The following CEP128 variants were observed in gnomAD, a reference collection of about 807,000 sequenced individuals.
CEP128 encodes the protein centrosomal protein 128kDa.
CEP128 carries 132 observed loss-of-function variants against 156.7 expected under a neutral mutation model. The ratio of observed to expected loss-of-function variants is 0.84; its 90% confidence interval spans 0.73 to 0.97. The LOEUF (loss-of-function observed/expected upper bound fraction) is 0.97, where lower values mean the gene tolerates loss of function less well. Among genes scored for constraint, CEP128 ranks in the 50% least tolerant of loss-of-function variants. CEP128 has a pLI of 0.00. For missense variants in CEP128, 1,252 were observed against 1,281.9 expected, an observed-to-expected ratio of 0.98 and a Z score of 0.36; for synonymous variants, 469 against 448.9, an observed-to-expected ratio of 1.04 and a Z score of -0.57.
intron 4 of CEP128, among the ~76,000 whole-genome samples, chr14:80,908,925 A>G (rs1205488136): frequency 6.6e-6 from 1 of 152,174 alleles, no homozygotes; most frequent in African/African-American, 2.4e-5. Flanking sequence ...CTCATTTCCA[A>G]TTCACCACTT....
chr14:80,845,787 T>C (rs1019943523), intron 9 of CEP128, among the ~76,000 whole-genome samples: 3 of 152,300 alleles, frequency 2.0e-5, no homozygotes, highest in Admixed American at 6.5e-5. Context: ...ACGGTTTTTG[T>C]TTGTACAATA....
intron 2 of CEP128, among the ~76,000 whole-genome samples, chr14:80,923,556 A>G (rs370718692): frequency 2.0e-5 from 3 of 152,196 alleles, no homozygotes; most frequent in African/African-American, 7.2e-5. Context: ...ATCAGGGGTG[A>G]TATTTCACAA....
intron 8 of CEP128, among the ~76,000 whole-genome samples, chr14:80,893,155 T>C (rs1595556974): frequency 6.6e-6 from 1 of 151,990 alleles, no homozygotes; most frequent in Non-Finnish European, 1.5e-5. Context: ...TAAAAAAGAA[T>C]GAGATCTTTT....
intron 19 of CEP128, among the ~76,000 whole-genome samples, chr14:80,656,292 TATATATATA>T (rs1895150176): frequency 4.7e-4 from 1 of 2,144 alleles, no homozygotes; most frequent in African/African-American, 1.4e-3. Context: ...TATATATATT[TATATATATA>T]TATATATATA....
At chr14:80,557,390 C>T (rs1207602252) in intron 21 of CEP128, among the ~76,000 whole-genome samples, 1 of 152,162 alleles carries the variant, frequency 6.6e-6, no homozygotes, top group Non-Finnish European at 1.5e-5. Context: ...ATTTTAATCA[C>T]AACCATTTTA....
rs1344457542 is a variant in CEP128 at position 80,729,058 on chromosome 14, G to GTGTGTGTGTGTGT, written c.2806+14016_2806+14017insACACACACACACA. Among the ~76,000 whole-genome samples, 820 of 105,028 alleles carry GTGTGTGTGTGTGT rather than the reference G, an allele frequency of 7.8e-3. 77 individuals carry two copies. The highest frequency in any genetic ancestry group is 0.027 in the East Asian group (87 of 3,202). The allele number at this position is 105,028 out of a possible 152,430, so 68.9% of individuals were successfully genotyped here. On this transcript the variant is annotated intron_variant, in intron 19 of 24. Coordinates refer to ENST00000555265, the MANE Select transcript of CEP128 (RefSeq NM_152446.5). ...CCTAGTCCCAGGCTGGGCTGGTGGG[G>GTGTGTGTGTGTGT]GTGTGTGTGTGTGTGTGTGTGTGTG...
At chr14:80,779,381 T>C (rs1900977203) in intron 15 of CEP128, among the ~76,000 whole-genome samples, 1 of 152,126 alleles carries the variant, frequency 6.6e-6, no homozygotes, top group African/African-American at 2.4e-5. Context: ...AACAAAGAAA[T>C]TGATTTTTTA....
intron 18 of CEP128, among the ~76,000 whole-genome samples, chr14:80,754,366 G>A (rs1303412519): frequency 6.6e-6 from 1 of 151,834 alleles, no homozygotes; most frequent in African/African-American, 2.4e-5. Flanking sequence ...CTCCATGGCA[G>A]CTTCTGCATA....
rs1007073159 is a variant in CEP128, at chr14:80,939,432, T to C, written c.-63A>G. The C allele has an allele frequency of 6.6e-6, 1 of 152,144 alleles. No individual in the cohort carries two copies. 9.4% of individuals were successfully genotyped at this position (152,144 alleles called of 1,614,324 possible). ...AGTTGCTCTTCTCTGAGCTCAACGC[T>C]CTTTTTAGGCACATATGTCTGCCTC... On this transcript the variant is annotated 5_prime_UTR_variant, in exon 2 of 25. Transcript: ENST00000555265.
chr14:80,746,272 T>C (rs576170403), intron 18 of CEP128, among the ~76,000 whole-genome samples: 1 of 152,068 alleles, frequency 6.6e-6, no homozygotes, highest in Non-Finnish European at 1.5e-5. Flanking sequence ...ATTTCCAAAA[T>C]AGCCAAAAAA....
intron 19 of CEP128, among the ~76,000 whole-genome samples, chr14:80,638,279 G>A (rs1197372326): frequency 2.6e-5 from 4 of 152,076 alleles, no homozygotes; most frequent in African/African-American, 7.2e-5. Flanking sequence ...TTTAGGCCAC[G>A]TAAAACTCTC....
chr14:80,655,794 G>T (rs12432896), intron 19 of CEP128, among the ~76,000 whole-genome samples: 18,010 of 152,142 alleles, frequency 0.12, 1,301 homozygotes, highest in South Asian at 0.24. Context: ...AAACACAAAA[G>T]AAAATGGAAA....
chr14:80,700,393 C>T lies in CEP128; in HGVS notation c.2806+42682G>A, dbSNP rs567365050. On this transcript the variant is annotated intron_variant, in intron 19 of 24. Transcript: ENST00000555265. ...CACGGTTCCTGCAACTGTCATAGTACAGAGTGGCAGGGAAGATGCGCGTCA... is the reference window on the plus strand; with the variant it reads ...CACGGTTCCTGCAACTGTCATAGTATAGAGTGGCAGGGAAGATGCGCGTCA... 1.4e-4 allele frequency among the ~76,000 whole-genome samples: 22 copies of T among 152,080 alleles called. 1 individual carries two copies. The South Asian group carries it at 4.2e-3, about 29-fold the overall frequency.
chr14:80,926,946 C>T (rs1885183346), intron 2 of CEP128, among the ~76,000 whole-genome samples: 1 of 151,990 alleles, frequency 6.6e-6, no homozygotes, highest in Non-Finnish European at 1.5e-5. Flanking sequence ...GGAAATCTCA[C>T]AGAGTCTATG....
At chr14:80,622,750 C>A (rs1173335646) in intron 19 of CEP128, among the ~76,000 whole-genome samples, 1 of 150,710 alleles carries the variant, frequency 6.6e-6, no homozygotes, top group African/African-American at 2.4e-5. Context: ...AAATCAAAAC[C>A]ACAATGAGAT....
intron 20 of CEP128, among the ~76,000 whole-genome samples, chr14:80,567,628 G>A (rs971682334): frequency 3.3e-5 from 5 of 152,120 alleles, no homozygotes; most frequent in African/African-American, 1.2e-4. Flanking sequence ...ATAGGTGTGT[G>A]CTACAGAATA....
At chr14:80,877,788 C>A (rs550283365) in intron 8 of CEP128, among the ~76,000 whole-genome samples, 3 of 152,248 alleles carry the variant, frequency 2.0e-5, no homozygotes, top group African/African-American at 7.2e-5. Flanking sequence ...TAAGACCAAG[C>A]TGAAGGGATG....
At chr14:80,674,702 C>G (rs1200141238) in intron 19 of CEP128, among the ~76,000 whole-genome samples, 2 of 151,926 alleles carry the variant, frequency 1.3e-5, no homozygotes, top group Non-Finnish European at 2.9e-5. Flanking sequence ...AGAAAAAAGA[C>G]AACATTTCAG....
chr14:80,510,574 A>G (rs1216932851), intron 23 of CEP128, among the ~76,000 whole-genome samples: 1 of 152,028 alleles, frequency 6.6e-6, no homozygotes, highest in Non-Finnish European at 1.5e-5. Flanking sequence ...TTCCTTTCCA[A>G]TTTGGATGCC....
Sources: gnomAD v4.1 joint callset for allele counts (sites outside exome capture counted in the v4.1 genomes callset) on GRCh38, gnomAD v4.1.1 for gene constraint, MANE v1.5 for transcripts, NCBI Gene and HGNC (gene_info 2026-07-23, HGNC 2026-07-21) for gene names.